Variants in NCALD observed in about 807,000 individuals in gnomAD.
NCALD encodes neurocalcin delta, also known as neurocalcin-delta.
NCALD carries 10 observed loss-of-function variants against 18.6 expected under a neutral mutation model. The ratio of observed to expected loss-of-function variants is 0.54; its 90% CI spans 0.33 to 0.91. The LOEUF is 0.91. Ranked by LOEUF, NCALD falls within the 40% of genes least tolerant of loss-of-function variation. The probability of loss-of-function intolerance (pLI) is 0.03; values close to 1 mark genes in which losing one functional copy is unlikely to be tolerated. For missense variants in NCALD, 184 were observed against 247.6 expected (o/e 0.74, Z 1.72); for synonymous variants, 88 against 87.4 (o/e 1.01, Z -0.04).
chr8:102,036,361 A>G (rs1822865745), intron 1 of NCALD, among the ~76,000 whole-genome samples: 1 of 151,714 alleles, frequency 6.6e-6, no homozygotes, highest in African/African-American at 2.4e-5. Flanking sequence ...TTTTTCACTT[A>G]AAAGAGAAAA....
chr8:101,911,612 C>T (rs1039481893), intron 3 of NCALD, among the ~76,000 whole-genome samples: 4 of 152,144 alleles, frequency 2.6e-5, no homozygotes, highest in African/African-American at 9.7e-5. Context: ...CCACCTCGGC[C>T]TCCCAAAGCG....
chr8:101,998,255 A>G (rs1179781417), intron 2 of NCALD, among the ~76,000 whole-genome samples: 1 of 152,206 alleles, frequency 6.6e-6, no homozygotes, highest in African/African-American at 2.4e-5. Flanking sequence ...TAAAAGATGG[A>G]TTTACTCGTT....
In NCALD at chr8:102,094,151, A is replaced by G. The variant is rs374520270; in HGVS notation, c.-210+30086T>C. ...ATCACTCTTCAAATACAAAACTTAGATGATGTTCAGACTGGCTAATAACCT... is the reference window on the plus strand; with the variant it reads ...ATCACTCTTCAAATACAAAACTTAGGTGATGTTCAGACTGGCTAATAACCT... On this transcript the variant is annotated intron_variant, in intron 1 of 6. Coordinates refer to the NCALD transcript ENST00000311028. Among the ~76,000 whole-genome samples, 22 of 152,236 alleles carry G rather than the reference A, an allele frequency of 1.4e-4. 1 individual carries two copies. In the East Asian group the frequency reaches 3.5e-3, roughly 24 times the overall value.
chr8:101,807,265 T>C (rs901862095), intron 4 of NCALD, among the ~76,000 whole-genome samples: 1 of 152,168 alleles, frequency 6.6e-6, no homozygotes, highest in African/African-American at 2.4e-5. Flanking sequence ...TTCTTCTTTC[T>C]TCTCTTGGCT....
intron 1 of NCALD, among the ~76,000 whole-genome samples, chr8:102,044,932 T>G (rs1260735317): frequency 1.3e-5 from 2 of 152,086 alleles, no homozygotes; most frequent in East Asian, 1.9e-4. Flanking sequence ...AATGCATTAG[T>G]AGGTGGGAAG....
intron 4 of NCALD, among the ~76,000 whole-genome samples, chr8:101,878,857 A>G (rs1203523262): frequency 1.3e-5 from 2 of 152,192 alleles, no homozygotes; most frequent in African/African-American, 2.4e-5. Context: ...CATGTAATCA[A>G]TGTGCTGTTA....
In NCALD at chr8:101,790,868, CAGA is replaced by C. The variant is rs1312193878; in HGVS notation, c.-29_-27del. On this transcript the variant is annotated 5_prime_UTR_variant, in exon 1 of 4. Transcript: ENST00000220931. ...TATAAAGCAAACTAATTACCTCACT[CAGA>C]AGAAGTGCAAGATTTAACAGTCCAT... 2.6e-5 allele frequency: 4 copies of C among 152,202 alleles called. No individual in the cohort carries two copies. The East Asian group carries it at 7.7e-4, about 29-fold the overall frequency. 9.4% of individuals were successfully genotyped at this position (152,202 alleles called of 1,614,324 possible).
intron 2 of NCALD, among the ~76,000 whole-genome samples, chr8:101,978,306 C>T (rs1441795263): frequency 1.3e-5 from 2 of 152,140 alleles, no homozygotes; most frequent in South Asian, 2.1e-4. Context: ...TAATCAAGGT[C>T]GAACTATTTC....
chr8:101,780,725 A>G (rs1811978226), intron 1 of NCALD, among the ~76,000 whole-genome samples: 2 of 152,174 alleles, frequency 1.3e-5, no homozygotes, highest in African/African-American at 2.4e-5. Flanking sequence ...TAAATTTTAC[A>G]CGCATATTTT....
chr8:102,065,387 C>T (rs925825993), intron 1 of NCALD, among the ~76,000 whole-genome samples: 1 of 152,184 alleles, frequency 6.6e-6, no homozygotes, highest in Non-Finnish European at 1.5e-5. Flanking sequence ...CAACTCCAGG[C>T]ACTCAGCCTT....
intron 2 of NCALD, among the ~76,000 whole-genome samples, chr8:101,958,509 A>G (rs1819719909): frequency 6.6e-6 from 1 of 152,152 alleles, no homozygotes; most frequent in Non-Finnish European, 1.5e-5. Context: ...GCTACATTAC[A>G]TAGATGTTTT....
chr8:102,072,388 G>C (rs1191669025), intron 1 of NCALD, among the ~76,000 whole-genome samples: 1 of 151,994 alleles, frequency 6.6e-6, no homozygotes, highest in African/African-American at 2.4e-5. Flanking sequence ...AGGGAGAAAG[G>C]GAAATTAAAT....
intron 2 of NCALD, among the ~76,000 whole-genome samples, chr8:101,697,558 C>G (rs909702219): frequency 6.6e-6 from 1 of 152,136 alleles, no homozygotes; most frequent in Non-Finnish European, 1.5e-5. Flanking sequence ...AAAATACTGA[C>G]AAGCCAAATC....
intron 4 of NCALD, among the ~76,000 whole-genome samples, chr8:101,850,048 T>C (rs537649898): frequency 6.6e-6 from 1 of 152,342 alleles, no homozygotes; most frequent in Admixed American, 6.5e-5. Flanking sequence ...AAGAGGGCTC[T>C]GGACTGAGCA....
At chr8:101,967,796 C>T (rs756982809) in intron 2 of NCALD, among the ~76,000 whole-genome samples, 2 of 151,996 alleles carry the variant, frequency 1.3e-5, no homozygotes, top group South Asian at 2.1e-4. Flanking sequence ...AGTAGGCCTA[C>T]GTTCCCAGCA....
At chr8:101,730,479 CAAAAA>C (rs869241027) in intron 1 of NCALD, among the ~76,000 whole-genome samples, 1 of 43,670 alleles carries the variant, frequency 2.3e-5, no homozygotes, top group Non-Finnish European at 4.4e-5. Context: ...GACTCCATCT[CAAAAA>C]AAAAAAAAAA....
intron 4 of NCALD, among the ~76,000 whole-genome samples, chr8:101,842,406 C>T (rs1321006435): frequency 6.6e-6 from 1 of 152,230 alleles, no homozygotes; most frequent in African/African-American, 2.4e-5. Context: ...GTGATTTCCT[C>T]TGCAAGTGAT....
At chr8:101,930,668 C>T (rs747208908) in intron 2 of NCALD, among the ~76,000 whole-genome samples, 11 of 152,052 alleles carry the variant, frequency 7.2e-5, no homozygotes, top group South Asian at 2.1e-4. Context: ...CAACACAGAG[C>T]GCACACAATG....
At chr8:101,970,314 T>A (rs930673753) in intron 2 of NCALD, among the ~76,000 whole-genome samples, 2 of 152,216 alleles carry the variant, frequency 1.3e-5, no homozygotes, top group Non-Finnish European at 2.9e-5. Context: ...TCTTCCAACC[T>A]CTTTTCACCC....
Sources: allele counts gnomAD v4.1 joint callset (sites outside exome capture counted in the v4.1 genomes callset), GRCh38; gene constraint gnomAD v4.1.1; transcripts MANE v1.5; gene names NCBI Gene and HGNC (gene_info 2026-07-23, HGNC 2026-07-21).